AGPAT4: variants seen among roughly 807,000 people sequenced by gnomAD.
AGPAT4 encodes 1-acylglycerol-3-phosphate O-acyltransferase 4.
In AGPAT4, 15 loss-of-function variants were observed where a neutral mutation model predicts 48.0. The observed-to-expected ratio is 0.31, with a 90% CI of 0.21 to 0.48. The LOEUF (loss-of-function observed/expected upper bound fraction) is 0.48. Among genes scored for constraint, AGPAT4 ranks in the 20% least tolerant of loss-of-function variants. AGPAT4 has a pLI of 0.99. For missense variants in AGPAT4, 314 were observed against 482.5 expected, an observed-to-expected ratio of 0.65 and a Z score of 3.27; for synonymous variants, 178 against 198.7, an observed-to-expected ratio of 0.90 and a Z score of 0.88.
At position 161,267,436 on chromosome 6, in the gene AGPAT4, G is replaced by A. The variant is rs776060210; in HGVS notation, c.-90+6502C>T. Among the ~76,000 whole-genome samples the A allele has an allele frequency of 2.0e-5, 3 of 152,100 alleles. No homozygotes were observed. Among genetic ancestry groups the A allele is most frequent in the Non-Finnish European group, 4.4e-5 (3 of 68,018 alleles). On this transcript the variant is annotated intron_variant, in intron 1 of 8. Transcript: ENST00000320285. This position sits in a 1 kb window ranked among gnomAD's most constrained non-coding sequence, Gnocchi z 5.2. The stretch of plus-strand genomic sequence containing the variant: ...ATTTGAAAAATATTAGCTGGGGAAC[G>A]GGCGCAGTGGCTCACATCTGTAATC...
rs901181078 is a variant in AGPAT4 at position 161,130,740 on chromosome 6, C to T, written c.*5800G>A. On this transcript the variant is annotated 3_prime_UTR_variant, in exon 9 of 9. Transcript: ENST00000320285. ...GCCTCAGATGCGAGTAAGGAAGCTC[C>T]AGTTGTAGCCTTGGCACAGCTGAGG... The T allele has an allele frequency of 3.2e-5, 14 of 437,666 alleles. No homozygotes were observed. Among genetic ancestry groups the T allele is most frequent in the Non-Finnish European group, 6.1e-5 (13 of 214,486 alleles). The allele number at this position is 437,666 out of a possible 1,614,324, so 27.1% of individuals were successfully genotyped here.
In AGPAT4 at chr6:161,242,819, C is replaced by A. The variant is rs1782530885; in HGVS notation, c.-89-10517G>T. Among the ~76,000 whole-genome samples, 1 of 152,154 alleles carries A rather than the reference C, an allele frequency of 6.6e-6. No individual in the cohort carries two copies. The highest frequency in any genetic ancestry group is 2.4e-5 in the African/African-American group (1 of 41,438). ...GGCGCAGCGGCTCACACCTGTCATC[C>A]CAGCACTTTGGGAGGGGGTGGGTGG... is the stretch of plus-strand genomic sequence containing the variant. On this transcript the variant is annotated intron_variant, in intron 1 of 8. Transcript: ENST00000320285. This position sits in a 1 kb window ranked among gnomAD's most constrained non-coding sequence, Gnocchi z 5.0.
At chr6:161,247,044 C>T (rs1033884881) in intron 1 of AGPAT4, among the ~76,000 whole-genome samples, 2 of 152,200 alleles carry the variant, frequency 1.3e-5, no homozygotes, top group African/African-American at 4.8e-5. Flanking sequence ...TGTAAGCAGC[C>T]AAGTTGAGTC....
chr6:161,243,116 G>T lies in AGPAT4; in HGVS notation c.-89-10814C>A, dbSNP rs1005787189. 6.6e-6 allele frequency among the ~76,000 whole-genome samples: 1 copy of T among 152,094 alleles called. No homozygotes were observed. Among genetic ancestry groups the T allele is most frequent in the Non-Finnish European group, 1.5e-5 (1 of 68,018 alleles). On this transcript the variant is annotated intron_variant, in intron 1 of 8. Coordinates refer to ENST00000320285, the MANE Select transcript of AGPAT4 (RefSeq NM_020133.3). This position sits in a 1 kb window ranked among gnomAD's most constrained non-coding sequence, Gnocchi z 4.8. ...AATGAAACTTTTTCAAACATGGAAA[G>T]AAGGCAGAATGCATGTTGAAATTGT...
rs932423721 is a variant in AGPAT4 at position 161,147,622 on chromosome 6, A to G, written c.768-1023T>C. 3.3e-5 allele frequency among the ~76,000 whole-genome samples: 5 copies of G among 152,202 alleles called. No individual in the cohort carries two copies. The highest frequency in any genetic ancestry group is 1.2e-4 in the African/African-American group (5 of 41,454). On this transcript the variant is annotated intron_variant, in intron 6 of 8. Coordinates refer to ENST00000320285, the MANE Select transcript of AGPAT4 (RefSeq NM_020133.3). The surrounding 1 kb of genome is among the most constrained non-coding windows in gnomAD (Gnocchi z 4.8). ...TATTGTACAGAGGTAAGTTTTTCACATAATTAGAACTTACCCCATAAGCTC... is the reference window on the plus strand; with the variant it reads ...TATTGTACAGAGGTAAGTTTTTCACGTAATTAGAACTTACCCCATAAGCTC...
At chr6:161,268,058 T>C (rs1318412353) in intron 1 of AGPAT4, among the ~76,000 whole-genome samples, 1 of 152,232 alleles carries the variant, frequency 6.6e-6, no homozygotes, top group Non-Finnish European at 1.5e-5. Context: ...TGCTCCTTCT[T>C]ATGACCTAGC....
intron 2 of AGPAT4, among the ~76,000 whole-genome samples, chr6:161,193,372 C>T (rs1450354113): frequency 6.6e-6 from 1 of 152,182 alleles, no homozygotes; most frequent in Non-Finnish European, 1.5e-5. Context: ...TTAATTTTTA[C>T]AGTTTATTGT....
rs1583264284 is a variant in AGPAT4 at position 161,130,732 on chromosome 6, G to A, written c.*5808C>T. Reference sequence around the variant, plus strand: ...CTGTGTTTGCCTCAGATGCGAGTAAGGAAGCTCCAGTTGTAGCCTTGGCAC... The same window carrying A: ...CTGTGTTTGCCTCAGATGCGAGTAAAGAAGCTCCAGTTGTAGCCTTGGCAC... On this transcript the variant is annotated 3_prime_UTR_variant, in exon 9 of 9. Transcript: ENST00000320285. The A allele has an allele frequency of 4.7e-6, 2 of 422,536 alleles. No homozygotes were observed. Among genetic ancestry groups the A allele is most frequent in the East Asian group, 5.8e-5 (1 of 17,196 alleles). The allele number at this position is 422,536 out of a possible 1,614,324, so 26.2% of individuals were successfully genotyped here.
chr6:161,237,560 T>C (rs1391615838), intron 1 of AGPAT4, among the ~76,000 whole-genome samples: 1 of 152,176 alleles, frequency 6.6e-6, no homozygotes, highest in Admixed American at 6.5e-5. Flanking sequence ...TATAGACCTT[T>C]AGAGAATATT....
chr6:161,165,331 C>T lies in AGPAT4; in HGVS notation c.348+917G>A, dbSNP rs374554266. On this transcript the variant is annotated intron_variant, in intron 3 of 8. Transcript: ENST00000320285. The surrounding 1 kb of genome is among the most constrained non-coding windows in gnomAD (Gnocchi z 5.5). ...TTCATCTGCCTCCAGGAACCAGACCCGTCTAGTTCCCTATGTCCTCCATGG... is the reference window on the plus strand; with the variant it reads ...TTCATCTGCCTCCAGGAACCAGACCTGTCTAGTTCCCTATGTCCTCCATGG... Among the ~76,000 whole-genome samples, 2 of 152,156 alleles carry T rather than the reference C, an allele frequency of 1.3e-5. No individual in the cohort carries two copies. The highest frequency in any genetic ancestry group is 2.9e-5 in the Non-Finnish European group (2 of 68,038).
chr6:161,171,817 A>G lies in AGPAT4; in HGVS notation c.179-5400T>C, dbSNP rs1254012674. 1.3e-5 allele frequency among the ~76,000 whole-genome samples: 2 copies of G among 152,026 alleles called. No individual in the cohort carries two copies. Among genetic ancestry groups the G allele is most frequent in the Admixed American group, 6.6e-5 (1 of 15,256 alleles). ...CGGGAGTCTGAGGCAGGAGAATGGC[A>G]TGAACCCAGGAGGCTGCACTTGCAG... On this transcript the variant is annotated intron_variant, in intron 2 of 8. Coordinates refer to ENST00000320285, the MANE Select transcript of AGPAT4 (RefSeq NM_020133.3). This position sits in a 1 kb window ranked among gnomAD's most constrained non-coding sequence, Gnocchi z 4.4.
At chr6:161,186,259 A>G (rs775535196) in intron 2 of AGPAT4, among the ~76,000 whole-genome samples, 8 of 152,138 alleles carry the variant, frequency 5.3e-5, no homozygotes, top group Non-Finnish European at 1.0e-4. Flanking sequence ...TAACATGATG[A>G]TGAATCACAT....
At position 161,144,697 on chromosome 6, in the gene AGPAT4, G is replaced by A. The variant is rs770222983; in HGVS notation, c.843+1827C>T. 4.6e-5 allele frequency among the ~76,000 whole-genome samples: 7 copies of A among 152,134 alleles called. No homozygotes were observed. The highest frequency in any genetic ancestry group is 2.1e-4 in the South Asian group (1 of 4,818). ...GCTTTCGGCTAAAAGTAACATTTTC[G>A]GCTGGGCACGGTGGCTCACGCCTGT... is the stretch of plus-strand genomic sequence containing the variant. On this transcript the variant is annotated intron_variant, in intron 7 of 8. Transcript: ENST00000320285. The surrounding 1 kb of genome is among the most constrained non-coding windows in gnomAD (Gnocchi z 6.6).
rs918683924 is a variant in AGPAT4 at position 161,200,568 on chromosome 6, G to A, written c.178+31468C>T. The stretch of plus-strand genomic sequence containing the variant: ...TGCTTGGGCATAACCACAGGGTAGC[G>A]TAATCTCATTTTTTGATTGCTCAGG... On this transcript the variant is annotated intron_variant, in intron 2 of 8. Transcript: ENST00000320285. The surrounding 1 kb of genome is among the most constrained non-coding windows in gnomAD (Gnocchi z 5.5). Among the ~76,000 whole-genome samples, 2 of 152,186 alleles carry A rather than the reference G, an allele frequency of 1.3e-5. No homozygotes were observed. The highest frequency in any genetic ancestry group is 2.9e-5 in the Non-Finnish European group (2 of 68,048).
At position 161,140,150 on chromosome 6, in the gene AGPAT4, C is replaced by T. The variant is rs545683778; in HGVS notation, c.844-530G>A. 8.5e-5 allele frequency among the ~76,000 whole-genome samples: 13 copies of T among 152,220 alleles called. No individual in the cohort carries two copies. The highest frequency in any genetic ancestry group is 8.3e-4 in the South Asian group (4 of 4,826). ...GCCAGTTCACCTCGGGCAGCCCACCCGCACCTACCACCCTGTTTGCCACTG... is the reference window on the plus strand; with the variant it reads ...GCCAGTTCACCTCGGGCAGCCCACCTGCACCTACCACCCTGTTTGCCACTG... On this transcript the variant is annotated intron_variant, in intron 7 of 8. Transcript: ENST00000320285. This position sits in a 1 kb window ranked among gnomAD's most constrained non-coding sequence, Gnocchi z 6.5.
rs1782144654 is a variant in AGPAT4 at position 161,232,319 on chromosome 6, T to C, written c.-89-17A>G. Reference sequence around the variant, plus strand: ...GGAAGGCGTCTAAAACACAAACAAATAGGAAATGTTAGCAAAAACACGATG... The same window carrying C: ...GGAAGGCGTCTAAAACACAAACAAACAGGAAATGTTAGCAAAAACACGATG... On this transcript the variant is annotated splice_polypyrimidine_tract_variant and intron_variant, in intron 1 of 8. Coordinates refer to ENST00000320285, the MANE Select transcript of AGPAT4 (RefSeq NM_020133.3). This position sits in a 1 kb window ranked among gnomAD's most constrained non-coding sequence, Gnocchi z 6.8. The C allele has an allele frequency of 1.8e-6, 2 of 1,088,410 alleles. No homozygotes were observed. The highest frequency in any genetic ancestry group is 1.6e-5 in the African/African-American group (1 of 62,954). 67.4% of individuals were successfully genotyped at this position (1,088,410 alleles called of 1,614,324 possible). A position where few individuals can be genotyped will look rare whatever the true frequency, so the allele number is the denominator to read the frequency against.
chr6:161,147,068 G>C lies in AGPAT4; in HGVS notation c.768-469C>G, dbSNP rs945076804. Among the ~76,000 whole-genome samples, 8 of 152,210 alleles carry C rather than the reference G, an allele frequency of 5.3e-5. No homozygotes were observed. The highest frequency in any genetic ancestry group is 1.0e-4 in the Non-Finnish European group (7 of 68,042). On this transcript the variant is annotated intron_variant, in intron 6 of 8. Coordinates refer to ENST00000320285, the MANE Select transcript of AGPAT4 (RefSeq NM_020133.3). This position sits in a 1 kb window ranked among gnomAD's most constrained non-coding sequence, Gnocchi z 4.8. ...AATGGCAGATTATCTCCCATCAAATGATTCCTCTGGCCTCTTGGTTAGCCT... is the reference window on the plus strand; with the variant it reads ...AATGGCAGATTATCTCCCATCAAATCATTCCTCTGGCCTCTTGGTTAGCCT...
Position 161,225,825 on chromosome 6 carries a change from G to A in AGPAT4, c.178+6211C>T, listed in dbSNP as rs1431234647. ...CGTGGGCCGCTTGCTCAGTCCAGGA[G>A]GCAGGGCTTTGCCTTTGGGTTAGAA... On this transcript the variant is annotated intron_variant, in intron 2 of 8. Coordinates refer to ENST00000320285, the MANE Select transcript of AGPAT4 (RefSeq NM_020133.3). This position sits in a 1 kb window ranked among gnomAD's most constrained non-coding sequence, Gnocchi z 5.0. Among the ~76,000 whole-genome samples, 1 of 152,206 alleles carries A rather than the reference G, an allele frequency of 6.6e-6. No individual in the cohort carries two copies. Among genetic ancestry groups the A allele is most frequent in the Non-Finnish European group, 1.5e-5 (1 of 68,034 alleles).
rs375232332 is a variant in AGPAT4 at position 161,177,674 on chromosome 6, A to G, written c.179-11257T>C. ...AACATGTCAAAGTCATTCTCCGTCC[A>G]GCTTTCTTCCATTGCTGCGAGGAGC... On this transcript the variant is annotated intron_variant, in intron 2 of 8. Transcript: ENST00000320285. The surrounding 1 kb of genome is among the most constrained non-coding windows in gnomAD (Gnocchi z 5.0). 6.6e-6 allele frequency among the ~76,000 whole-genome samples: 1 copy of G among 152,198 alleles called. No homozygotes were observed. The highest frequency in any genetic ancestry group is 1.5e-5 in the Non-Finnish European group (1 of 68,040).
Sources: gnomAD v4.1 joint callset for allele counts (sites outside exome capture counted in the v4.1 genomes callset) on GRCh38, gnomAD v4.1.1 for gene constraint, Gnocchi (gnomAD v3.1) non-coding constraint, MANE v1.5 for transcripts, NCBI Gene and HGNC (gene_info 2026-07-23, HGNC 2026-07-21) for gene names.